Variants in KIRREL3 observed in about 807,000 individuals in gnomAD.
KIRREL3 encodes the protein kirre like nephrin family adhesion molecule 3, also known as kin of IRRE-like protein 3.
KIRREL3 carries 36 observed loss-of-function variants against 89.7 expected under a neutral mutation model. The ratio of observed to expected loss-of-function variants is 0.40; its 90% CI spans 0.31 to 0.53. The LOEUF (loss-of-function observed/expected upper bound fraction) is 0.53, where lower values mean the gene tolerates loss of function less well. KIRREL3 is among the 20% of genes least tolerant of loss of function. The pLI is 0.49. For synonymous variants in KIRREL3, 445 were observed against 441.4 expected, an observed-to-expected ratio of 1.01 and a Z score of -0.10; for missense variants, 864 against 1,056.6, an observed-to-expected ratio of 0.82 and a Z score of 2.53.
intron 1 of KIRREL3, among the ~76,000 whole-genome samples, chr11:126,979,102 G>A (rs774989185): frequency 1.3e-5 from 2 of 152,084 alleles, no homozygotes; most frequent in African/African-American, 2.4e-5. Flanking sequence ...GAATTCACCC[G>A]GAACAAAAGA....
intron 12 of KIRREL3, among the ~76,000 whole-genome samples, chr11:126,435,982 G>T (rs1024375610): frequency 6.6e-6 from 1 of 152,306 alleles, no homozygotes; most frequent in South Asian, 2.1e-4. Flanking sequence ...CTCAGAACCC[G>T]GCTTGCTGCT....
At chr11:126,675,432 G>T (rs969697257) in intron 1 of KIRREL3, among the ~76,000 whole-genome samples, 1 of 152,218 alleles carries the variant, frequency 6.6e-6, no homozygotes, top group African/African-American at 2.4e-5. Flanking sequence ...ACAACATTTA[G>T]CATTGGCTTA....
chr11:126,542,906 C>T (rs1167542010), intron 2 of KIRREL3, among the ~76,000 whole-genome samples: 1 of 152,098 alleles, frequency 6.6e-6, no homozygotes. Context: ...GATTGTGGGC[C>T]GTCTTCTGGT....
intron 2 of KIRREL3, among the ~76,000 whole-genome samples, chr11:126,532,955 G>C (rs1958989088): frequency 6.6e-6 from 1 of 151,722 alleles, no homozygotes; most frequent in Non-Finnish European, 1.5e-5. Context: ...TATAAAATTA[G>C]TAATTGCTAA....
chr11:126,469,309 A>G (rs1956817314), intron 5 of KIRREL3, among the ~76,000 whole-genome samples: 1 of 152,170 alleles, frequency 6.6e-6, no homozygotes, highest in Non-Finnish European at 1.5e-5. Flanking sequence ...GGGTCCTTGG[A>G]GGCTGCCTGA....
chr11:126,854,931 C>T (rs559374527), intron 1 of KIRREL3, among the ~76,000 whole-genome samples: 1 of 152,286 alleles, frequency 6.6e-6, no homozygotes, highest in Admixed American at 6.5e-5. Flanking sequence ...TCGTTATAGT[C>T]CTTCACAGAT....
In KIRREL3 at chr11:126,516,937, C is replaced by T. The variant is rs191012481; in HGVS notation, c.433+4378G>A. ...GCTAAAAATACAAAAATTAGCCAGG[C>T]GTGGTGGCACGTGCCTGTAATCCCA... On this transcript the variant is annotated intron_variant, in intron 4 of 16. Transcript: ENST00000525144. The surrounding 1 kb of genome is among the most constrained non-coding windows in gnomAD (Gnocchi z 4.9). Among the ~76,000 whole-genome samples, 5 of 152,088 alleles carry T rather than the reference C, an allele frequency of 3.3e-5. No individual in the cohort carries two copies. Among genetic ancestry groups the T allele is most frequent in the African/African-American group, 7.2e-5 (3 of 41,476 alleles).
rs1946365565 is a variant in KIRREL3, at chr11:126,679,759, C to T, written c.56-116847G>A. Among the ~76,000 whole-genome samples the T allele has an allele frequency of 2.6e-5, 4 of 152,164 alleles. No homozygotes were observed. In the South Asian group the frequency reaches 6.2e-4, roughly 24 times the overall value. ...CAGTCTTATTGGTGATTGAAAATTGCATATTTTTTACCTGCCTCAACCCAC... is the reference window on the plus strand; with the variant it reads ...CAGTCTTATTGGTGATTGAAAATTGTATATTTTTTACCTGCCTCAACCCAC... On this transcript the variant is annotated intron_variant, in intron 1 of 16. Coordinates refer to ENST00000525144, the MANE Select transcript of KIRREL3 (RefSeq NM_032531.4).
chr11:126,464,994 C>T (rs995969653), intron 5 of KIRREL3, among the ~76,000 whole-genome samples: 5 of 152,194 alleles, frequency 3.3e-5, no homozygotes, highest in Non-Finnish European at 7.3e-5. Context: ...CTCCTTCCCT[C>T]TCCTGTTCCT....
rs1247329098 is a variant in KIRREL3 at position 126,609,450 on chromosome 11, G to T, written c.56-46538C>A. On this transcript the variant is annotated intron_variant, in intron 1 of 16. Transcript: ENST00000525144. This position sits in a 1 kb window ranked among gnomAD's most constrained non-coding sequence, Gnocchi z 5.0. ...CCTGCCTCGGGACATGTATGAGGAC[G>T]GTCTCCTTTGCAGCCTACCTGAAGT... Among the ~76,000 whole-genome samples the T allele has an allele frequency of 6.6e-6, 1 of 152,154 alleles. No individual in the cohort carries two copies. Among genetic ancestry groups the T allele is most frequent in the Non-Finnish European group, 1.5e-5 (1 of 68,034 alleles).
intron 1 of KIRREL3, among the ~76,000 whole-genome samples, chr11:126,841,843 A>G (rs1364357446): frequency 6.6e-6 from 1 of 152,124 alleles, no homozygotes; most frequent in African/African-American, 2.4e-5. Context: ...CACCTACCCA[A>G]TAGTTGGTTT....
In KIRREL3 at chr11:126,989,127, T is replaced by C. The variant is rs1004786718; in HGVS notation, c.55+11328A>G. On this transcript the variant is annotated intron_variant, in intron 1 of 16. Coordinates refer to ENST00000525144, the MANE Select transcript of KIRREL3 (RefSeq NM_032531.4). This position sits in a 1 kb window ranked among gnomAD's most constrained non-coding sequence, Gnocchi z 6.2. ...TTATTTTCAGTAAATTCTCAAACTATGCAGCTCTATGTTTCCTCTTCTACC... is the reference window on the plus strand; with the variant it reads ...TTATTTTCAGTAAATTCTCAAACTACGCAGCTCTATGTTTCCTCTTCTACC... Among the ~76,000 whole-genome samples the C allele has an allele frequency of 2.0e-5, 3 of 152,204 alleles. No homozygotes were observed. The highest frequency in any genetic ancestry group is 7.2e-5 in the African/African-American group (3 of 41,472).
At position 126,539,484 on chromosome 11, in the gene KIRREL3, A is replaced by G. The variant is rs1300885134; in HGVS notation, c.134-12797T>C. Among the ~76,000 whole-genome samples the G allele has an allele frequency of 2.6e-5, 4 of 152,216 alleles. No homozygotes were observed. The East Asian group carries it at 7.7e-4, about 29-fold the overall frequency. On this transcript the variant is annotated intron_variant, in intron 2 of 16. Transcript: ENST00000525144. ...GAATGAAGGAGGATAATCTGAAGAC[A>G]GGGAGACTGATCAGCAAGGTTTTGC...
At chr11:126,751,440 A>G (rs1431671138) in intron 1 of KIRREL3, among the ~76,000 whole-genome samples, 1 of 152,238 alleles carries the variant, frequency 6.6e-6, no homozygotes, top group Non-Finnish European at 1.5e-5. Flanking sequence ...GCTGTTTTAA[A>G]AACACTGCTC....
Position 127,000,381 on chromosome 11 carries a change from T to C in KIRREL3, c.55+74A>G. 1.5e-6 allele frequency: 2 copies of C among 1,328,556 alleles called. No homozygotes were observed. The highest frequency in any genetic ancestry group is 1.3e-5 in the South Asian group (1 of 75,426). The allele number at this position is 1,328,556 out of a possible 1,614,324, so 82.3% of individuals were successfully genotyped here. ...TCCGAGTTCCCGAAGCCTGCCCACGTTCCTGCCCACAGCCTCCCGCGCCCT... is the reference window on the plus strand; with the variant it reads ...TCCGAGTTCCCGAAGCCTGCCCACGCTCCTGCCCACAGCCTCCCGCGCCCT... On this transcript the variant is annotated intron_variant, in intron 1 of 16. Coordinates refer to ENST00000525144, the MANE Select transcript of KIRREL3 (RefSeq NM_032531.4). The surrounding 1 kb of genome is among the most constrained non-coding windows in gnomAD (Gnocchi z 7.1).
chr11:126,596,979 GCTCTAGT>G (rs1565580684), intron 1 of KIRREL3, among the ~76,000 whole-genome samples: 1 of 152,202 alleles, frequency 6.6e-6, no homozygotes, highest in Non-Finnish European at 1.5e-5. Context: ...CATTATATGG[GCTCTAGT>G]CTCTTTACAA....
rs75399999 is a variant in KIRREL3 at position 126,645,253 on chromosome 11, C to G, written c.56-82341G>C. 6.6e-6 allele frequency among the ~76,000 whole-genome samples: 1 copy of G among 152,170 alleles called. No individual in the cohort carries two copies. The highest frequency in any genetic ancestry group is 2.4e-5 in the African/African-American group (1 of 41,424). On this transcript the variant is annotated intron_variant, in intron 1 of 16. Transcript: ENST00000525144. This position sits in a 1 kb window ranked among gnomAD's most constrained non-coding sequence, Gnocchi z 4.9. ...AAATATTCTCAACTTGAGTTCCCTGCGGTTGTGGTCATGGGCCAATTGCAG... is the reference window on the plus strand; with the variant it reads ...AAATATTCTCAACTTGAGTTCCCTGGGGTTGTGGTCATGGGCCAATTGCAG...
In KIRREL3 at chr11:126,694,504, C is replaced by A. The variant is rs531457735; in HGVS notation, c.56-131592G>T. ...CGAGCGTGGAGAATGATTGCTCAGGCCTCCATCAGCTCCAGGCGGGTGTGG... is the reference window on the plus strand; with the variant it reads ...CGAGCGTGGAGAATGATTGCTCAGGACTCCATCAGCTCCAGGCGGGTGTGG... On this transcript the variant is annotated intron_variant, in intron 1 of 16. Coordinates refer to ENST00000525144, the MANE Select transcript of KIRREL3 (RefSeq NM_032531.4). This position sits in a 1 kb window ranked among gnomAD's most constrained non-coding sequence, Gnocchi z 4.4. 1.3e-5 allele frequency among the ~76,000 whole-genome samples: 2 copies of A among 152,128 alleles called. No homozygotes were observed. The highest frequency in any genetic ancestry group is 6.6e-5 in the Admixed American group (1 of 15,262).
chr11:126,989,522 C>T lies in KIRREL3; in HGVS notation c.55+10933G>A, dbSNP rs117865013. 2.4e-3 allele frequency among the ~76,000 whole-genome samples: 364 copies of T among 152,332 alleles called. 7 individuals carry two copies. In the East Asian group the frequency reaches 0.031, roughly 13 times the overall value. ...CCAGCTCTACCAACCACTCAGGCTG[C>T]AGACCAGACAAGGGAGTGGATTGTT... is the stretch of plus-strand genomic sequence containing the variant. On this transcript the variant is annotated intron_variant, in intron 1 of 16. Transcript: ENST00000525144. This position sits in a 1 kb window ranked among gnomAD's most constrained non-coding sequence, Gnocchi z 6.2.
Sources: allele counts gnomAD v4.1 joint callset (sites outside exome capture counted in the v4.1 genomes callset), GRCh38; gene constraint gnomAD v4.1.1; non-coding constraint Gnocchi (gnomAD v3.1); transcripts MANE v1.5; gene names NCBI Gene and HGNC (gene_info 2026-07-23, HGNC 2026-07-21).